SRRM4: variants seen among roughly 807,000 people sequenced by gnomAD.
SRRM4 encodes the protein serine/arginine repetitive matrix protein 4.
Under a neutral mutation model 68.9 loss-of-function variants are expected in SRRM4, and 33 were observed. The ratio of observed to expected loss-of-function variants is 0.48; its 90% CI spans 0.36 to 0.64. SRRM4 has a LOEUF of 0.64. SRRM4 is among the 30% of genes least tolerant of loss of function. The pLI is 0.00. For synonymous variants in SRRM4, 318 were observed against 318.8 expected (o/e 1.00, Z 0.03); for missense variants, 817 against 827.1 (o/e 0.99, Z 0.15).
chr12:119,080,364 T>C (rs1953940719), intron 1 of SRRM4, among the ~76,000 whole-genome samples: 3 of 152,162 alleles, frequency 2.0e-5, no homozygotes, highest in Admixed American at 2.0e-4. Flanking sequence ...AACATATATA[T>C]ATTGCACTTA....
intron 10 of SRRM4, among the ~76,000 whole-genome samples, chr12:119,153,305 T>A (rs1368864823): frequency 1.3e-5 from 2 of 152,170 alleles, no homozygotes; most frequent in Non-Finnish European, 2.9e-5. Context: ...TCTGCCAAGG[T>A]CACACAGCTA....
At position 119,011,700 on chromosome 12, in the gene SRRM4, G is replaced by T. The variant is rs1477257189; in HGVS notation, c.131+29687G>T. Among the ~76,000 whole-genome samples the T allele has an allele frequency of 9.2e-5, 14 of 152,362 alleles. No individual in the cohort carries two copies. In the East Asian group the frequency reaches 2.7e-3, roughly 29 times the overall value. ...CATGGGTTTGGGGCGTGGCAGAGCT[G>T]CACAGTGAAAGGAGGAGCATGTGAT... is the stretch of plus-strand genomic sequence containing the variant. On this transcript the variant is annotated intron_variant, in intron 1 of 12. Coordinates refer to ENST00000267260, the MANE Select transcript of SRRM4 (RefSeq NM_194286.4).
At chr12:119,101,142 G>T (rs1453810809) in intron 1 of SRRM4, among the ~76,000 whole-genome samples, 2 of 152,226 alleles carry the variant, frequency 1.3e-5, no homozygotes, top group Non-Finnish European at 2.9e-5. Context: ...CCTGGTGCAT[G>T]AGACATGCTA....
At chr12:119,101,544 G>A (rs1232986095) in intron 1 of SRRM4, among the ~76,000 whole-genome samples, 1 of 151,792 alleles carries the variant, frequency 6.6e-6, no homozygotes, top group Non-Finnish European at 1.5e-5. Context: ...AGGCCTTTCT[G>A]CTTGTATATT....
chr12:119,089,634 C>T (rs997684506), intron 1 of SRRM4, among the ~76,000 whole-genome samples: 1 of 152,194 alleles, frequency 6.6e-6, no homozygotes, highest in African/African-American at 2.4e-5. Context: ...GATTTGAGAG[C>T]TTGCTGATGA....
intron 2 of SRRM4, among the ~76,000 whole-genome samples, chr12:119,104,817 T>G (rs1472235792): frequency 6.6e-6 from 1 of 152,150 alleles, no homozygotes; most frequent in Non-Finnish European, 1.5e-5. Context: ...CACTGCTTTT[T>G]TTTTTAATTT....
At chr12:119,036,273 A>G (rs1466380344) in intron 1 of SRRM4, among the ~76,000 whole-genome samples, 1 of 152,120 alleles carries the variant, frequency 6.6e-6, no homozygotes, top group Non-Finnish European at 1.5e-5. Flanking sequence ...TTGCTTTCCA[A>G]AGATACCGCT....
At chr12:119,062,040 T>C (rs1471188400) in intron 1 of SRRM4, among the ~76,000 whole-genome samples, 1 of 152,220 alleles carries the variant, frequency 6.6e-6, no homozygotes, top group Admixed American at 6.6e-5. Flanking sequence ...CTAGATGGGA[T>C]AGCCTACTTC....
chr12:119,009,149 C>G (rs1278944215), intron 1 of SRRM4, among the ~76,000 whole-genome samples: 1 of 152,144 alleles, frequency 6.6e-6, no homozygotes, highest in Non-Finnish European at 1.5e-5. Context: ...CTCCCAGGCC[C>G]GCTGCAGCTG....
Position 119,160,432 on chromosome 12 carries a change from C to T in SRRM4, c.*3634C>T, listed in dbSNP as rs772243122. 8 of 152,146 alleles carry T rather than the reference C, an allele frequency of 5.3e-5. No homozygotes were observed. Among genetic ancestry groups the T allele is most frequent in the Non-Finnish European group, 7.3e-5 (5 of 68,052 alleles). 9.4% of individuals were successfully genotyped at this position (152,146 alleles called of 1,614,324 possible). On this transcript the variant is annotated 3_prime_UTR_variant, in exon 13 of 13. Transcript: ENST00000267260. The stretch of plus-strand genomic sequence containing the variant: ...AACCAGAACCTCCCATTCCCAGTAT[C>T]GCTGTTCCTACGCCCATTTCACCCT...
chr12:119,121,448 C>T (rs1334868039), intron 5 of SRRM4, among the ~76,000 whole-genome samples: 4 of 152,162 alleles, frequency 2.6e-5, no homozygotes, highest in South Asian at 2.1e-4. Context: ...ATAATTTAAA[C>T]GCAGATACTT....
At position 119,162,635 on chromosome 12, in the gene SRRM4, T is replaced by C. The variant is rs1954522141; in HGVS notation, c.*5837T>C. The C allele has an allele frequency of 6.6e-6, 1 of 152,190 alleles. No homozygotes were observed. Among genetic ancestry groups the C allele is most frequent in the African/African-American group, 2.4e-5 (1 of 41,428 alleles). The allele number at this position is 152,190 out of a possible 1,614,324, so 9.4% of individuals were successfully genotyped here. On this transcript the variant is annotated 3_prime_UTR_variant, in exon 13 of 13. Coordinates refer to ENST00000267260, the MANE Select transcript of SRRM4 (RefSeq NM_194286.4). ...CGGGGTCCTGTGCTATAAGAACTTC[T>C]CTCTGCACTGTATTTTTTTTTCTCC...
intron 1 of SRRM4, among the ~76,000 whole-genome samples, chr12:119,096,239 A>G (rs1954044017): frequency 7.2e-6 from 1 of 139,662 alleles, no homozygotes. Flanking sequence ...TCACTGTGTT[A>G]GCCAGGATGG....
intron 1 of SRRM4, among the ~76,000 whole-genome samples, chr12:119,055,831 A>G (rs1256789476): frequency 6.6e-6 from 1 of 152,204 alleles, no homozygotes; most frequent in Non-Finnish European, 1.5e-5. Context: ...TATGTCATAA[A>G]GTTGTTGGGA....
chr12:119,133,212 TAA>T (rs1565916240), intron 8 of SRRM4: 1 of 152,178 alleles, frequency 6.6e-6, no homozygotes, highest in East Asian at 1.9e-4. Context: ...ACAATGTAAG[TAA>T]AAGTTTTAGA....
At position 118,982,670 on chromosome 12, in the gene SRRM4, TTTTTTTTTG is replaced by T. The variant is rs1175875275; in HGVS notation, c.131+666_131+674del. 3.4e-3 allele frequency among the ~76,000 whole-genome samples: 76 copies of T among 22,412 alleles called. 1 individual carries two copies. Among genetic ancestry groups the T allele is most frequent in the East Asian group, 8.6e-3 (21 of 2,436 alleles). 14.7% of individuals were successfully genotyped at this position (22,412 alleles called of 152,430 possible). On this transcript the variant is annotated intron_variant, in intron 1 of 12. Coordinates refer to ENST00000267260, the MANE Select transcript of SRRM4 (RefSeq NM_194286.4). ...ATGATCTTGGAAGAGTTTTATTTTG[TTTTTTTTTG>T]TTTTTTTTTTTTTTTTCCAAAAAGA...
At chr12:119,149,984 T>A (rs1240595252) in intron 9 of SRRM4, among the ~76,000 whole-genome samples, 1 of 152,140 alleles carries the variant, frequency 6.6e-6, no homozygotes, top group Non-Finnish European at 1.5e-5. Flanking sequence ...GAAGCCTCTG[T>A]CTTTTGGGAG....
chr12:119,092,826 A>T (rs868264814), intron 1 of SRRM4, among the ~76,000 whole-genome samples: 1 of 151,878 alleles, frequency 6.6e-6, no homozygotes, highest in African/African-American at 2.4e-5. Context: ...TCTCACCGAG[A>T]GGAAAGAGCC....
chr12:118,982,080 C>CGG, intron 1 of SRRM4, 67 bp downstream of exon 1: 2 of 1,525,244 alleles, frequency 1.3e-6, no homozygotes, highest in Non-Finnish European at 1.8e-6. Flanking sequence ...CCCCAGAGCC[C>CGG]GGAGGGGTGG....
Sources: allele counts gnomAD v4.1 joint callset (sites outside exome capture counted in the v4.1 genomes callset), GRCh38; gene constraint gnomAD v4.1.1; transcripts MANE v1.5; gene names NCBI Gene and HGNC (gene_info 2026-07-23, HGNC 2026-07-21).